Variants in RANBP17 observed in about 807,000 individuals in gnomAD.
RANBP17 encodes the protein RAN binding protein 17.
A neutral mutation model predicts 141.2 loss-of-function variants in RANBP17; 158 were observed. The ratio of observed to expected loss-of-function variants is 1.12; its 90% confidence interval spans 0.98 to 1.28. The LOEUF (loss-of-function observed/expected upper bound fraction) is 1.28. RANBP17 is among the 50% of genes most tolerant of loss of function. RANBP17 has a pLI of 0.00. For synonymous variants in RANBP17, 430 were observed against 450.0 expected (o/e 0.96, Z 0.56); for missense variants, 1,438 against 1,290.7 (o/e 1.11, Z -1.75).
intron 14 of RANBP17, among the ~76,000 whole-genome samples, chr5:171,036,107 G>A (rs1043811668): frequency 2.0e-5 from 3 of 151,994 alleles, no homozygotes; most frequent in African/African-American, 7.3e-5. Flanking sequence ...CTATTTTATT[G>A]GCCAAGCTGG....
chr5:171,039,890 C>T (rs1049115790), intron 14 of RANBP17, among the ~76,000 whole-genome samples: 1 of 151,988 alleles, frequency 6.6e-6, no homozygotes, highest in African/African-American at 2.4e-5. Context: ...AAAAACCTAC[C>T]AACCAATAAA....
At position 171,298,819 on chromosome 5, in the gene RANBP17, T is replaced by C; in HGVS notation, c.3228T>C (p.Asp1076=). The C allele has an allele frequency of 6.2e-7, 1 of 1,614,226 alleles. No individual in the cohort carries two copies. The highest frequency in any genetic ancestry group is 1.1e-5 in the South Asian group (1 of 91,084). The change falls in exon 28 of 28, where the codon GAT becomes GAC. Residue 1076 remains aspartate (D), a synonymous_variant. Transcript: ENST00000523189. The stretch of plus-strand genomic sequence containing the variant: ...ATGTGGCAGAGGCGTTGCGCAGTGA[T>C]GGCAACACTGAACCATGCAGTCTCG... ...RRDVAEALRS[D]GNTEPCSLDM... is the part of the protein sequence containing the mutation.
chr5:170,897,044 A>T, intron 5 of RANBP17: 1 of 908,044 alleles, frequency 1.1e-6, no homozygotes. Context: ...ATCTATTATG[A>T]GGCAATAAGC....
At chr5:171,056,854 TA>T (rs1354449866) in intron 14 of RANBP17, among the ~76,000 whole-genome samples, 1 of 152,176 alleles carries the variant, frequency 6.6e-6, no homozygotes, top group Non-Finnish European at 1.5e-5. Flanking sequence ...CTTTACTCAT[TA>T]AGGGGAAGAC....
At chr5:170,910,799 A>G in intron 6 of RANBP17, 170 bp from the exon 7 acceptor site, 1 of 599,854 alleles carries the variant, frequency 1.7e-6, no homozygotes, top group Non-Finnish European at 2.9e-6. Flanking sequence ...CATGAAGTTA[A>G]CCCAGTTTTT....
At chr5:170,867,631 A>G (rs745320802) in intron 1 of RANBP17, among the ~76,000 whole-genome samples, 2 of 152,244 alleles carry the variant, frequency 1.3e-5, no homozygotes, top group Non-Finnish European at 2.9e-5. Flanking sequence ...GATACAGGAA[A>G]GTAATTGAAA....
rs1554085878 is a variant in RANBP17, at chr5:171,038,162, T to TTC, written c.1710+69786_1710+69787insCT. On this transcript the variant is annotated intron_variant, in intron 14 of 27. Coordinates refer to ENST00000523189, the MANE Select transcript of RANBP17 (RefSeq NM_022897.5). ...TTTTGTTTAGATGTATTCTTAGGTA[T>TTC]TGTGTGTGTGTGTGTGTGTGTGTGT... Among the ~76,000 whole-genome samples, 3 of 144,756 alleles carry TTC rather than the reference T, an allele frequency of 2.1e-5. No homozygotes were observed. In the Admixed American group the frequency reaches 2.1e-4, roughly 10 times the overall value. 95.0% of individuals were successfully genotyped at this position (144,756 alleles called of 152,430 possible). A position where few individuals can be genotyped will look rare whatever the true frequency, so the allele number is the denominator to read the frequency against.
rs1393012157 is a variant in RANBP17 at position 170,862,060 on chromosome 5, G to A, written c.18+9G>A. On this transcript the variant is annotated intron_variant, in intron 1 of 27. Coordinates refer to ENST00000523189, the MANE Select transcript of RANBP17 (RefSeq NM_022897.5). Reference sequence around the variant, plus strand: ...TGGCGCTGCACTTCCAGGTCAGTGTGCTCTGCGCCGCGGGCCCGCGCTCCG... The same window carrying A: ...TGGCGCTGCACTTCCAGGTCAGTGTACTCTGCGCCGCGGGCCCGCGCTCCG... 2.5e-5 allele frequency: 37 copies of A among 1,454,454 alleles called. No individual in the cohort carries two copies. Among genetic ancestry groups the A allele is most frequent in the Admixed American group, 5.3e-5 (2 of 38,014 alleles). The allele number at this position is 1,454,454 out of a possible 1,614,324, so 90.1% of individuals were successfully genotyped here.
chr5:171,043,573 C>T (rs1782385641), intron 14 of RANBP17, among the ~76,000 whole-genome samples: 1 of 152,024 alleles, frequency 6.6e-6, no homozygotes, highest in African/African-American at 2.4e-5. Context: ...GGCTAGCCAA[C>T]AGTAAACAGG....
At chr5:170,945,377 A>C (rs1280320501) in intron 12 of RANBP17, among the ~76,000 whole-genome samples, 2 of 152,314 alleles carry the variant, frequency 1.3e-5, no homozygotes, top group East Asian at 3.9e-4. Context: ...AACCACGTTA[A>C]AAAGGGGATG....
intron 24 of RANBP17, among the ~76,000 whole-genome samples, chr5:171,248,381 AAAG>A (rs1765354829): frequency 6.6e-6 from 1 of 151,934 alleles, no homozygotes; most frequent in Non-Finnish European, 1.5e-5. Context: ...AAAAAAAAAA[AAAG>A]AACTCACAGG....
At position 171,298,759 on chromosome 5, in the gene RANBP17, C is replaced by A; in HGVS notation, c.3171-3C>A. The A allele has an allele frequency of 6.2e-7, 1 of 1,612,392 alleles. No individual in the cohort carries two copies. Among genetic ancestry groups the A allele is most frequent in the Middle Eastern group, 1.7e-4 (1 of 6,060 alleles). ...CCTTGACCCTTTCTTCCTCTTTCTG[C>A]AGGTTCACCCAAAATCTGTCTGTAT... On this transcript the variant is annotated splice_region_variant and splice_polypyrimidine_tract_variant and intron_variant, in intron 27 of 27. Coordinates refer to ENST00000523189, the MANE Select transcript of RANBP17 (RefSeq NM_022897.5).
At chr5:170,871,633 C>T (rs987034621) in intron 1 of RANBP17, among the ~76,000 whole-genome samples, 10 of 152,178 alleles carry the variant, frequency 6.6e-5, no homozygotes, top group Admixed American at 5.2e-4. Flanking sequence ...AGATTTTCTT[C>T]TAGAGCTTTT....
At chr5:170,955,681 T>TATATATACACAC (rs769742239) in intron 13 of RANBP17, among the ~76,000 whole-genome samples, 1 of 39,064 alleles carries the variant, frequency 2.6e-5, no homozygotes. Context: ...TATATATATA[T>TATATATACACAC]ACACTGAATG....
At chr5:171,099,228 G>T (rs756236586) in intron 14 of RANBP17, among the ~76,000 whole-genome samples, 1 of 152,052 alleles carries the variant, frequency 6.6e-6, no homozygotes, top group Admixed American at 6.6e-5. Context: ...TCACAATATT[G>T]GTTCTTCCTA....
intron 14 of RANBP17, among the ~76,000 whole-genome samples, chr5:171,151,276 G>A (rs984641015): frequency 3.3e-5 from 5 of 152,086 alleles, no homozygotes; most frequent in Non-Finnish European, 7.4e-5. Context: ...AAAGACCACC[G>A]AAATCAATAT....
intron 13 of RANBP17, among the ~76,000 whole-genome samples, chr5:170,957,704 T>G (rs1378437937): frequency 2.6e-5 from 4 of 152,208 alleles, no homozygotes; most frequent in Non-Finnish European, 1.5e-5. Flanking sequence ...ATTGTTAAAG[T>G]GCTATTTAGT....
At chr5:171,261,580 A>G (rs1355013680) in intron 24 of RANBP17, among the ~76,000 whole-genome samples, 3 of 152,216 alleles carry the variant, frequency 2.0e-5, no homozygotes, top group African/African-American at 7.2e-5. Context: ...GCAGTAGGCT[A>G]TTAATGATGC....
chr5:171,138,398 A>T (rs940395784), intron 14 of RANBP17, among the ~76,000 whole-genome samples: 7 of 152,162 alleles, frequency 4.6e-5, no homozygotes, highest in African/African-American at 1.4e-4. Context: ...CTAGATAGTT[A>T]ATAAGTTGGT....
Sources: gnomAD v4.1 joint callset for allele counts (sites outside exome capture counted in the v4.1 genomes callset) on GRCh38, gnomAD v4.1.1 for gene constraint, MANE v1.5 for transcripts, NCBI Gene and HGNC (gene_info 2026-07-23, HGNC 2026-07-21) for gene names.